The following DCLK2 variants were observed in gnomAD, a reference collection of about 807,000 sequenced individuals.
DCLK2 encodes doublecortin like kinase 2.
In DCLK2, 31 loss-of-function variants were observed where a neutral mutation model predicts 78.4. The observed-to-expected ratio is 0.40, with a 90% CI of 0.30 to 0.53. The LOEUF (loss-of-function observed/expected upper bound fraction) is 0.53. Among genes scored for constraint, DCLK2 ranks in the 20% least tolerant of loss-of-function variants. DCLK2 has a pLI of 0.61. For synonymous variants in DCLK2, 407 were observed against 374.9 expected (o/e 1.09, Z -0.99); for missense variants, 872 against 973.7 (o/e 0.90, Z 1.39).
intron 2 of DCLK2, among the ~76,000 whole-genome samples, chr4:150,132,770 T>C (rs1733411771): frequency 6.6e-6 from 1 of 152,130 alleles, no homozygotes; most frequent in South Asian, 2.1e-4. Context: ...TTTTTAAATT[T>C]CTTATAGAGA....
At chr4:150,113,551 G>A (rs1368729068) in intron 2 of DCLK2, among the ~76,000 whole-genome samples, 2 of 152,090 alleles carry the variant, frequency 1.3e-5, no homozygotes, top group Non-Finnish European at 2.9e-5. Context: ...GATGTTCATA[G>A]TAGTCTTGAA....
At position 150,224,559 on chromosome 4, in the gene DCLK2, G is replaced by A. The variant is rs770789678; in HGVS notation, c.1299+1G>A. ...AGACAAAGCCAAATGTTGTGGAAAG[G>A]TATAGTATGCATAACCCCTAGTTCT... is the stretch of plus-strand genomic sequence containing the variant. On this transcript the variant is annotated splice_donor_variant, in intron 8 of 15. Transcript: ENST00000296550. LOFTEE classifies it high-confidence loss of function. The A allele has an allele frequency of 6.2e-7, 1 of 1,610,350 alleles. No individual in the cohort carries two copies. The highest frequency in any genetic ancestry group is 1.1e-5 in the South Asian group (1 of 90,154).
chr4:150,109,780 A>C (rs1731535096), intron 2 of DCLK2, among the ~76,000 whole-genome samples: 1 of 152,234 alleles, frequency 6.6e-6, no homozygotes, highest in South Asian at 2.1e-4. Flanking sequence ...GACTAAGAGC[A>C]ACTAGTAGGA....
intron 5 of DCLK2, among the ~76,000 whole-genome samples, chr4:150,211,788 T>C (rs901146282): frequency 1.3e-5 from 2 of 152,094 alleles, no homozygotes; most frequent in Middle Eastern, 3.2e-3. Context: ...TCTTCCTGAT[T>C]CTCCATTTTT....
intron 14 of DCLK2, 44 bp from the exon 15 acceptor site, chr4:150,249,524 G>T (rs1041109839): frequency 6.4e-7 from 1 of 1,555,566 alleles, no homozygotes; most frequent in Non-Finnish European, 8.9e-7. Flanking sequence ...ACTCAAACGG[G>T]AGGATGGAAA....
At chr4:150,113,470 C>G (rs1384438540) in intron 2 of DCLK2, among the ~76,000 whole-genome samples, 1 of 152,074 alleles carries the variant, frequency 6.6e-6, no homozygotes, top group Admixed American at 6.6e-5. Context: ...CTTTCTGATT[C>G]AAGCTAGTAG....
chr4:150,195,929 C>T (rs541708933), intron 3 of DCLK2, among the ~76,000 whole-genome samples: 6 of 151,946 alleles, frequency 3.9e-5, no homozygotes, highest in Non-Finnish European at 7.4e-5. Context: ...TAGTAATATG[C>T]GTCCACTGCT....
chr4:150,249,603 G>C lies in DCLK2; in HGVS notation c.1992G>C (p.Glu664Asp), dbSNP rs752863300. Residue 664 changes from glutamate (E) to aspartate (D), a missense_variant, in exon 15 of 16, where the codon GAG becomes GAC. Glu to Asp is a conservative substitution (Grantham distance 45). Coordinates refer to ENST00000296550, the MANE Select transcript of DCLK2 (RefSeq NM_001040260.4). ...CCCAGGAGAATAACATGCAAGCTGA[G>C]GTGACAGGTAAACTAAAACAGCACT... ...DASQENNMQA[E>D]VTGKLKQHFN... The C allele has an allele frequency of 6.2e-7, 1 of 1,613,748 alleles. No homozygotes were observed. The highest frequency in any genetic ancestry group is 8.5e-7 in the Non-Finnish European group (1 of 1,179,970).
At chr4:150,252,246 G>A (rs147380520) in intron 15 of DCLK2, among the ~76,000 whole-genome samples, 19 of 152,308 alleles carry the variant, frequency 1.2e-4, no homozygotes, top group African/African-American at 4.1e-4. Flanking sequence ...TGTGCACTGC[G>A]TTGTAAGGCA....
intron 2 of DCLK2, among the ~76,000 whole-genome samples, chr4:150,122,097 C>T (rs1016600219): frequency 6.6e-6 from 1 of 152,134 alleles, no homozygotes; most frequent in Admixed American, 6.6e-5. Context: ...TGAGCATTGG[C>T]TTCTTTTACT....
intron 2 of DCLK2, among the ~76,000 whole-genome samples, chr4:150,175,191 T>TTATATA (rs747681195): frequency 0.015 from 1,050 of 67,840 alleles, 77 homozygotes; most frequent in African/African-American, 0.038. Flanking sequence ...TATTTATAAT[T>TTATATA]TATCTATATA....
intron 2 of DCLK2, among the ~76,000 whole-genome samples, chr4:150,104,032 A>G (rs1203538703): frequency 6.6e-6 from 1 of 152,142 alleles, no homozygotes; most frequent in Non-Finnish European, 1.5e-5. Context: ...CAAATCAAAT[A>G]GTTGATTCTT....
chr4:150,228,076 G>A (rs918264352), intron 8 of DCLK2, among the ~76,000 whole-genome samples: 6 of 151,628 alleles, frequency 4.0e-5, no homozygotes, highest in Admixed American at 6.6e-5. Context: ...CTCTGCCTCC[G>A]TCTTCACGCT....
intron 2 of DCLK2, among the ~76,000 whole-genome samples, chr4:150,156,746 TTTATTTATTTATTTATTTATTTA>T: frequency 3.1e-5 from 1 of 32,650 alleles, no homozygotes; most frequent in Admixed American, 2.3e-4. Context: ...AACTATTTTA[TTTATTTATTTATTTATTTATTTA>T]TTTATTTATT....
In DCLK2 at chr4:150,199,066, G is replaced by A. The variant is rs745365150; in HGVS notation, c.961+963G>A. Reference sequence around the variant, plus strand: ...CCACTACTCCAGTGCCTATTCTACAGCCAAATCCCCAGGTGAGCCATGACT... The same window carrying A: ...CCACTACTCCAGTGCCTATTCTACAACCAAATCCCCAGGTGAGCCATGACT... On this transcript the variant is annotated intron_variant, in intron 4 of 15. Transcript: ENST00000296550. 1.9e-6 allele frequency: 3 copies of A among 1,596,432 alleles called. No individual in the cohort carries two copies. The highest frequency in any genetic ancestry group is 2.5e-6 in the Non-Finnish European group (3 of 1,179,054).
chr4:150,108,228 G>A lies in DCLK2; in HGVS notation c.756+5416G>A, dbSNP rs1413290458. ...TGTTTTTAAAAATAAAACCTTCTTG[G>A]CCGGGCGCAGTGGCTCACGCCTGTA... On this transcript the variant is annotated intron_variant, in intron 2 of 15. Coordinates refer to ENST00000296550, the MANE Select transcript of DCLK2 (RefSeq NM_001040260.4). Among the ~76,000 whole-genome samples the A allele has an allele frequency of 2.6e-5, 4 of 151,932 alleles. No individual in the cohort carries two copies. The East Asian group carries it at 7.8e-4, about 30-fold the overall frequency.
At chr4:150,196,218 A>T (rs192129804) in intron 3 of DCLK2, among the ~76,000 whole-genome samples, 1 of 152,212 alleles carries the variant, frequency 6.6e-6, no homozygotes, top group African/African-American at 2.4e-5. Context: ...ATCCTCGATT[A>T]ATCGATACAG....
intron 7 of DCLK2, among the ~76,000 whole-genome samples, chr4:150,223,989 G>A (rs9999860): frequency 0.12 from 17,931 of 151,852 alleles, 1,686 homozygotes; most frequent in South Asian, 0.49. Flanking sequence ...TGTTAATTTG[G>A]TTTTTTAAAA....
At position 150,182,082 on chromosome 4, in the gene DCLK2, C is replaced by G. The variant is rs996614729; in HGVS notation, c.757-11056C>G. Among the ~76,000 whole-genome samples, 2 of 151,798 alleles carry G rather than the reference C, an allele frequency of 1.3e-5. 1 individual carries two copies. On this transcript the variant is annotated intron_variant, in intron 2 of 15. Coordinates refer to ENST00000296550, the MANE Select transcript of DCLK2 (RefSeq NM_001040260.4). Reference sequence around the variant, plus strand: ...ATTTTTTTCGAGACAGGATCTCACTCTCTTGTCCAGGCTGGAGTGCTGTGG... The same window carrying G: ...ATTTTTTTCGAGACAGGATCTCACTGTCTTGTCCAGGCTGGAGTGCTGTGG...
Sources: allele counts gnomAD v4.1 joint callset (sites outside exome capture counted in the v4.1 genomes callset), GRCh38; gene constraint gnomAD v4.1.1; transcripts MANE v1.5; gene names NCBI Gene and HGNC (gene_info 2026-07-23, HGNC 2026-07-21).